DACH1: variants seen among roughly 807,000 people sequenced by gnomAD.
DACH1 encodes dachshund homolog 1.
In DACH1, 12 loss-of-function variants were observed where a neutral mutation model predicts 54.2. The observed-to-expected ratio is 0.22, with a 90% confidence interval of 0.14 to 0.36. DACH1 has a LOEUF of 0.36. Ranked by LOEUF, DACH1 falls within the 10% of genes least tolerant of loss-of-function variation. DACH1 has a pLI of 1.00. For missense variants in DACH1, 805 were observed against 929.8 expected (o/e 0.87, Z 1.75); for synonymous variants, 386 against 366.2 (o/e 1.05, Z -0.62).
At chr13:71,865,868 G>T in intron 1 of DACH1, 54 bp downstream of exon 1, 3 of 1,493,616 alleles carry the variant, frequency 2.0e-6, no homozygotes, top group Admixed American at 2.1e-5. Flanking sequence ...GAGGGCAGGC[G>T]AGCAGGCTGG....
At chr13:71,705,680 A>G (rs919843400) in intron 1 of DACH1, among the ~76,000 whole-genome samples, 16 of 152,290 alleles carry the variant, frequency 1.1e-4, no homozygotes, top group Admixed American at 9.8e-4. Flanking sequence ...AAAACTTGGG[A>G]AAAGTTATTT....
intron 1 of DACH1, among the ~76,000 whole-genome samples, chr13:71,781,444 T>C (rs1478358281): frequency 6.6e-6 from 1 of 151,826 alleles, no homozygotes; most frequent in East Asian, 1.9e-4. Context: ...AGTGGCACCA[T>C]CTCGGCTCAC....
rs1306881206 is a variant in DACH1, at chr13:71,713,520, A to G, written c.849-31610T>C. Among the ~76,000 whole-genome samples, 4 of 152,194 alleles carry G rather than the reference A, an allele frequency of 2.6e-5. No individual in the cohort carries two copies. The East Asian group carries it at 5.8e-4, about 22-fold the overall frequency. Reference sequence around the variant, plus strand: ...TAGTAAAAAACAGATGATTTAAATCATTATAGATTTAGATAATCTTACATT... The same window carrying G: ...TAGTAAAAAACAGATGATTTAAATCGTTATAGATTTAGATAATCTTACATT... On this transcript the variant is annotated intron_variant, in intron 1 of 10. Coordinates refer to ENST00000613252, the MANE Select transcript of DACH1 (RefSeq NM_080759.6).
intron 6 of DACH1, among the ~76,000 whole-genome samples, chr13:71,556,105 C>T (rs1442433847): frequency 1.3e-5 from 2 of 151,940 alleles, no homozygotes; most frequent in Non-Finnish European, 2.9e-5. Context: ...AGAAGGTACC[C>T]CTCCTTAACT....
chr13:71,694,651 A>G (rs1881725730), intron 1 of DACH1, among the ~76,000 whole-genome samples: 1 of 152,230 alleles, frequency 6.6e-6, no homozygotes, highest in South Asian at 2.1e-4. Context: ...TCAAGCTTGA[A>G]TAGACACTGT....
Position 71,764,535 on chromosome 13 carries a change from A to C in DACH1, c.849-82625T>G, listed in dbSNP as rs529585885. On this transcript the variant is annotated intron_variant, in intron 1 of 10. Transcript: ENST00000613252. ...AAAGAAAAGAAAACATAAACAGCCC[A>C]CAAAATTTCTAAATTAAAAATAAGT... 9.1e-4 allele frequency among the ~76,000 whole-genome samples: 138 copies of C among 152,352 alleles called. 1 individual carries two copies. The highest frequency in any genetic ancestry group is 3.4e-3 in the Middle Eastern group (1 of 294).
At chr13:71,492,514 C>T (rs1003040197) in intron 6 of DACH1, among the ~76,000 whole-genome samples, 11 of 152,042 alleles carry the variant, frequency 7.2e-5, no homozygotes, top group African/African-American at 2.4e-4. Flanking sequence ...AAAAATGGCC[C>T]TTGGAAGGAG....
intron 1 of DACH1, among the ~76,000 whole-genome samples, chr13:71,750,364 CAT>C (rs1884872856): frequency 6.6e-6 from 1 of 152,168 alleles, no homozygotes; most frequent in African/African-American, 2.4e-5. Flanking sequence ...AAAAATGCCA[CAT>C]CTGTGTTTAT....
rs1421474911 is a variant in DACH1, at chr13:71,644,701, A to C, written c.965-13984T>G. ...ATTCCACCTAGCAGCATTTGGACAG[A>C]ACTGGGGCTCTACTTCATTCCAGGG... is the stretch of plus-strand genomic sequence containing the variant. On this transcript the variant is annotated intron_variant, in intron 2 of 10. Coordinates refer to ENST00000613252, the MANE Select transcript of DACH1 (RefSeq NM_080759.6). Among the ~76,000 whole-genome samples, 3 of 151,758 alleles carry C rather than the reference A, an allele frequency of 2.0e-5. No homozygotes were observed. In the South Asian group the frequency reaches 6.2e-4, roughly 31 times the overall value.
intron 1 of DACH1, among the ~76,000 whole-genome samples, chr13:71,717,939 A>C (rs928007847): frequency 6.6e-6 from 1 of 152,056 alleles, no homozygotes; most frequent in Non-Finnish European, 1.5e-5. Flanking sequence ...AATAAGTGTT[A>C]ATTAGAGTAA....
intron 1 of DACH1, 140 bp downstream of exon 1, chr13:71,865,782 A>T: frequency 8.8e-6 from 11 of 1,255,384 alleles, no homozygotes; most frequent in Non-Finnish European, 1.0e-5. Context: ...AGCCCCGAGC[A>T]GGGAGAGGAG....
At chr13:71,709,613 G>A (rs1470975062) in intron 1 of DACH1, among the ~76,000 whole-genome samples, 2 of 152,180 alleles carry the variant, frequency 1.3e-5, no homozygotes, top group Admixed American at 6.5e-5. Flanking sequence ...AAAGGCCAGA[G>A]TAGTGATGCT....
chr13:71,488,945 T>A, intron 7 of DACH1, 52 bp downstream of exon 7: 1 of 1,550,758 alleles, frequency 6.4e-7, no homozygotes. Context: ...AAAAAAAAAA[T>A]CTACAACAGG....
chr13:71,631,783 G>T (rs1566392645), intron 2 of DACH1, among the ~76,000 whole-genome samples: 1 of 152,070 alleles, frequency 6.6e-6, no homozygotes, highest in Non-Finnish European at 1.5e-5. Context: ...AGAACAGGGG[G>T]TAGAGGCAGA....
intron 6 of DACH1, among the ~76,000 whole-genome samples, chr13:71,555,872 T>C (rs1884218618): frequency 1.3e-5 from 2 of 152,140 alleles, no homozygotes; most frequent in Non-Finnish European, 2.9e-5. Flanking sequence ...CAATAAATAA[T>C]GTAAAAATTT....
chr13:71,665,792 A>C lies in DACH1; in HGVS notation c.964+16003T>G, dbSNP rs76267159. 3.9e-3 allele frequency among the ~76,000 whole-genome samples: 594 copies of C among 152,216 alleles called. 3 individuals carry two copies. The highest frequency in any genetic ancestry group is 0.013 in the African/African-American group (558 of 41,564). On this transcript the variant is annotated intron_variant, in intron 2 of 10. Transcript: ENST00000613252. ...CTAAAGAGATTAATGGATTCCTTGGAAATAGCATAAGTGATAGTGAAAACA... is the reference window on the plus strand; with the variant it reads ...CTAAAGAGATTAATGGATTCCTTGGCAATAGCATAAGTGATAGTGAAAACA...
chr13:71,715,164 T>C (rs1341112402), intron 1 of DACH1, among the ~76,000 whole-genome samples: 1 of 152,140 alleles, frequency 6.6e-6, no homozygotes, highest in African/African-American at 2.4e-5. Context: ...CTTCAAAGCC[T>C]GTACTTATTC....
At chr13:71,655,195 C>T (rs1879005679) in intron 2 of DACH1, among the ~76,000 whole-genome samples, 1 of 152,124 alleles carries the variant, frequency 6.6e-6, no homozygotes, top group Admixed American at 6.5e-5. Flanking sequence ...GACTGCCCCA[C>T]TCATTTGATA....
At chr13:71,457,186 A>AT (rs1454442630) in intron 10 of DACH1, among the ~76,000 whole-genome samples, 1 of 152,012 alleles carries the variant, frequency 6.6e-6, no homozygotes, top group Non-Finnish European at 1.5e-5. Flanking sequence ...AATGAGAGTA[A>AT]ATTATTGTTG....
Sources: allele counts gnomAD v4.1 joint callset (sites outside exome capture counted in the v4.1 genomes callset), GRCh38; gene constraint gnomAD v4.1.1; transcripts MANE v1.5; gene names NCBI Gene and HGNC (gene_info 2026-07-23, HGNC 2026-07-21).